The following DCAKD variants were observed in gnomAD, a reference collection of about 807,000 sequenced individuals.
DCAKD encodes the protein dephospho-CoA kinase domain containing.
A neutral mutation model predicts 18.7 loss-of-function variants in DCAKD; 15 were observed. The ratio of observed to expected loss-of-function variants is 0.80; its 90% CI spans 0.54 to 1.24. DCAKD has a LOEUF of 1.24. Among genes scored for constraint, DCAKD ranks in the 50% most tolerant of loss-of-function variants. The pLI is 0.00. For synonymous variants in DCAKD, 130 were observed against 133.0 expected, an observed-to-expected ratio of 0.98 and a Z score of 0.16; for missense variants, 301 against 322.0, an observed-to-expected ratio of 0.93 and a Z score of 0.50.
chr17:45,050,677 C>T (rs1340894121), intron 1 of DCAKD, among the ~76,000 whole-genome samples: 1 of 105,240 alleles, frequency 9.5e-6, no homozygotes, highest in Non-Finnish European at 2.3e-5. Context: ...AATGAGCACT[C>T]TCCCTCCTGC....
chr17:45,048,305 C>G (rs927674432), intron 1 of DCAKD, among the ~76,000 whole-genome samples: 5 of 151,764 alleles, frequency 3.3e-5, no homozygotes. Context: ...GAGTTTGAGA[C>G]CAGCCTGCCT....
rs112818149 is a variant in DCAKD, at chr17:45,033,708, G to C, written c.316+479C>G. ...TCAAACTCCTGACCTCAAGTGATCTGCCTGCCTCGGCCTCCCAAAGTGCTG... is the reference window on the plus strand; with the variant it reads ...TCAAACTCCTGACCTCAAGTGATCTCCCTGCCTCGGCCTCCCAAAGTGCTG... On this transcript the variant is annotated intron_variant, in intron 3 of 4. Transcript: ENST00000651974. The C allele has an allele frequency of 4.1e-3, 1,365 of 329,028 alleles. 20 individuals carry two copies. The highest frequency in any genetic ancestry group is 0.029 in the African/African-American group (1,301 of 45,148). 20.4% of individuals were successfully genotyped at this position (329,028 alleles called of 1,614,324 possible).
intron 1 of DCAKD, among the ~76,000 whole-genome samples, chr17:45,043,529 G>A (rs1252031163): frequency 6.6e-6 from 1 of 152,158 alleles, no homozygotes; most frequent in East Asian, 1.9e-4. Flanking sequence ...GGGCATAGCT[G>A]GGCACATACC....
chr17:45,023,652 A>C lies in DCAKD; in HGVS notation c.*781T>G, dbSNP rs2052988446. ...GGAAGAAGAAATAAAAGAAAATAAA[A>C]GGTATCCCAGGCCAGGAGCAGCAGG... On this transcript the variant is annotated 3_prime_UTR_variant, in exon 5 of 5. Coordinates refer to ENST00000651974, the MANE Select transcript of DCAKD (RefSeq NM_001288655.2). 6.6e-6 allele frequency: 1 copy of C among 152,138 alleles called. No homozygotes were observed. Among genetic ancestry groups the C allele is most frequent in the Non-Finnish European group, 1.5e-5 (1 of 68,188 alleles). The allele number at this position is 152,138 out of a possible 1,614,324, so 9.4% of individuals were successfully genotyped here.
upstream of DCAKD, chr17:45,054,008 T>G: frequency 2.0e-6 from 1 of 500,178 alleles, no homozygotes. Flanking sequence ...TTCAGTATAT[T>G]GAGGAATTAA....
At chr17:45,027,013 T>A (rs930074022) in intron 4 of DCAKD, among the ~76,000 whole-genome samples, 1 of 152,184 alleles carries the variant, frequency 6.6e-6, no homozygotes, top group Admixed American at 6.5e-5. Flanking sequence ...TAATAGGATT[T>A]TTACCCACTT....
intron 1 of DCAKD, 55 bp downstream of exon 1, chr17:45,051,306 G>A (rs2053689375): frequency 6.6e-6 from 1 of 152,230 alleles, no homozygotes; most frequent in African/African-American, 2.4e-5. Context: ...GAAATAACAC[G>A]TTGCTTGGTA....
At chr17:45,059,598 CCT>C (rs1466000595) in intron 1 of DCAKD, among the ~76,000 whole-genome samples, 3 of 152,110 alleles carry the variant, frequency 2.0e-5, no homozygotes, top group Admixed American at 6.5e-5. Flanking sequence ...CCTTTTTTCC[CCT>C]GATATAGAAT....
intron 1 of DCAKD, among the ~76,000 whole-genome samples, chr17:45,035,498 A>AAAAAAGC (rs2053276601): frequency 6.6e-6 from 1 of 151,668 alleles, no homozygotes; most frequent in South Asian, 2.1e-4. Context: ...AAAAAAAAAA[A>AAAAAAGC]AAAAGCAAAC....
chr17:45,053,120 G>A (rs1218722642), upstream of DCAKD, among the ~76,000 whole-genome samples: 2 of 129,262 alleles, frequency 1.5e-5, no homozygotes, highest in East Asian at 2.4e-4. Context: ...CCCAAGATCC[G>A]GTCACTGCAC....
Position 45,024,633 on chromosome 17 carries a change from T to G in DCAKD, c.496A>C (p.Thr166Pro), listed in dbSNP as rs1483096979. 7.4e-6 allele frequency: 12 copies of G among 1,613,508 alleles called. No individual in the cohort carries two copies. Among genetic ancestry groups the G allele is most frequent in the Non-Finnish European group, 1.0e-5 (12 of 1,179,504 alleles). The change falls in exon 5 of 5, where the codon ACA becomes CCA. Residue 166 changes from threonine (T) to proline (P), a missense_variant. By Grantham distance (38) the Thr-to-Pro change is conservative. Coordinates refer to ENST00000651974, the MANE Select transcript of DCAKD (RefSeq NM_001288655.2). Reference protein sequence around the residue: ...EARINAQLPLTDKARMARHVL... With the variant: ...EARINAQLPLPDKARMARHVL... ...TGGCGGGCCATGCGGGCCTTGTCTG[T>G]CAGGGGCAGCTGGGCATTGATGCGG... is the stretch of plus-strand genomic sequence containing the variant.
chr17:45,036,199 T>C (rs142841509), intron 1 of DCAKD, among the ~76,000 whole-genome samples: 88 of 152,260 alleles, frequency 5.8e-4, no homozygotes, highest in African/African-American at 2.0e-3. Context: ...AGTTTTCTCA[T>C]CCATAAAATG....
intron 1 of DCAKD, among the ~76,000 whole-genome samples, chr17:45,041,343 GCT>G (rs1420269235): frequency 6.6e-6 from 1 of 151,242 alleles, no homozygotes; most frequent in African/African-American, 2.4e-5. Context: ...ACGGAGTCTG[GCT>G]CTGTCGCCCA....
chr17:45,055,863 G>C (rs2053773981), upstream of DCAKD, among the ~76,000 whole-genome samples: 1 of 152,072 alleles, frequency 6.6e-6, no homozygotes, highest in Non-Finnish European at 1.5e-5. Flanking sequence ...CCAGAAGAAA[G>C]GTTATATGTG....
intron 1 of DCAKD, among the ~76,000 whole-genome samples, chr17:45,056,641 A>C (rs1227543337): frequency 1.3e-5 from 2 of 151,822 alleles, no homozygotes; most frequent in Non-Finnish European, 2.9e-5. Context: ...TGCCCAGCTA[A>C]ATTTTGTATT....
At chr17:45,054,913 C>A (rs903528233), upstream of DCAKD, among the ~76,000 whole-genome samples, 2 of 152,142 alleles carry the variant, frequency 1.3e-5, no homozygotes, top group Non-Finnish European at 2.9e-5. Context: ...TACTGCCTTA[C>A]AGTATTATAA....
chr17:45,026,757 C>T, intron 4 of DCAKD: 1 of 985,344 alleles, frequency 1.0e-6, no homozygotes, highest in Non-Finnish European at 1.2e-6. Flanking sequence ...CATTGTGGGG[C>T]CAATACCCAC....
chr17:45,029,974 C>G, intron 4 of DCAKD, 118 bp downstream of exon 4: 1 of 905,042 alleles, frequency 1.1e-6, no homozygotes, highest in South Asian at 1.4e-5. Flanking sequence ...CACTGCTGCC[C>G]AAACCCCCAT....
Position 45,023,691 on chromosome 17 carries a change from G to T in DCAKD, c.*742C>A. 1 of 152,152 alleles carries T rather than the reference G, an allele frequency of 6.6e-6. No homozygotes were observed. The allele number at this position is 152,152 out of a possible 1,614,324, so 9.4% of individuals were successfully genotyped here. On this transcript the variant is annotated 3_prime_UTR_variant, in exon 5 of 5. Transcript: ENST00000651974. ...AGGAGCAGCAGGTTGAAGGCACAGA[G>T]GCAAGAAACAGCAAGGATGGTGTAC...
Sources: allele counts gnomAD v4.1 joint callset (sites outside exome capture counted in the v4.1 genomes callset), GRCh38; gene constraint gnomAD v4.1.1; transcripts MANE v1.5; gene names NCBI Gene and HGNC (gene_info 2026-07-23, HGNC 2026-07-21).